The following MINDY4 variants were observed in gnomAD, a reference collection of about 807,000 sequenced individuals.
MINDY4 encodes the protein probable ubiquitin carboxyl-terminal hydrolase MINDY-4.
Under a neutral mutation model 87.0 loss-of-function variants are expected in MINDY4, and 68 were observed. The ratio of observed to expected loss-of-function variants is 0.78; its 90% CI spans 0.64 to 0.96. The LOEUF is 0.96. Ranked by LOEUF, MINDY4 falls within the 40% of genes least tolerant of loss-of-function variation. The pLI, the probability that MINDY4 is intolerant of heterozygous loss-of-function variation, is 0.00. For synonymous variants in MINDY4, 379 were observed against 363.2 expected (o/e 1.04, Z -0.50); for missense variants, 919 against 928.2 (o/e 0.99, Z 0.13).
At chr7:30,773,274 T>C (rs1786700152) in intron 1 of MINDY4, among the ~76,000 whole-genome samples, 1 of 152,200 alleles carries the variant, frequency 6.6e-6, no homozygotes, top group Non-Finnish European at 1.5e-5. Context: ...TGGTTTGTTG[T>C]CTCAGATCCT....
At chr7:30,831,575 G>C (rs1296362193) in intron 6 of MINDY4, among the ~76,000 whole-genome samples, 1 of 152,176 alleles carries the variant, frequency 6.6e-6, no homozygotes, top group Non-Finnish European at 1.5e-5. Flanking sequence ...AGAGAGGGTG[G>C]AGGTTTCAGC....
At chr7:30,845,560 A>G (rs1562551449) in intron 9 of MINDY4, among the ~76,000 whole-genome samples, 1 of 148,364 alleles carries the variant, frequency 6.7e-6, no homozygotes, top group South Asian at 2.2e-4. Flanking sequence ...TGTTTTCTTC[A>G]GGAACACCAC....
At chr7:30,884,849 A>C (rs1227850378) in intron 17 of MINDY4, among the ~76,000 whole-genome samples, 1 of 151,356 alleles carries the variant, frequency 6.6e-6, no homozygotes, top group Non-Finnish European at 1.5e-5. Flanking sequence ...AGCTTAGTCC[A>C]TGCAGAGTGA....
At chr7:30,774,350 A>G (rs931034385) in intron 1 of MINDY4, among the ~76,000 whole-genome samples, 2 of 151,848 alleles carry the variant, frequency 1.3e-5, no homozygotes, top group Non-Finnish European at 2.9e-5. Flanking sequence ...GGTTAGGCCC[A>G]CCCCTCCATG....
intron 15 of MINDY4, among the ~76,000 whole-genome samples, chr7:30,881,490 C>A (rs1790462154): frequency 6.6e-6 from 1 of 152,200 alleles, no homozygotes; most frequent in African/African-American, 2.4e-5. Context: ...CTCCTGGCTC[C>A]CCAGGGCTCC....
chr7:30,771,748 G>A (rs1422814544), intron 1 of MINDY4, among the ~76,000 whole-genome samples, 192 bp downstream of exon 1: 3 of 152,238 alleles, frequency 2.0e-5, no homozygotes, highest in African/African-American at 7.2e-5. Context: ...CGTTTCTGCC[G>A]TCGTCACCGG....
intron 5 of MINDY4, among the ~76,000 whole-genome samples, chr7:30,818,598 G>A (rs980445664): frequency 6.6e-6 from 1 of 152,188 alleles, no homozygotes; most frequent in Non-Finnish European, 1.5e-5. Context: ...GTGTGTCAGT[G>A]AGATTCATAG....
intron 5 of MINDY4, among the ~76,000 whole-genome samples, chr7:30,795,653 G>C (rs765508): frequency 6.6e-6 from 1 of 152,144 alleles, no homozygotes; most frequent in Admixed American, 6.5e-5. Context: ...GACAAACACA[G>C]ATTGATGGTT....
intron 5 of MINDY4, among the ~76,000 whole-genome samples, chr7:30,827,753 G>A (rs1206531201): frequency 6.6e-6 from 1 of 152,160 alleles, no homozygotes; most frequent in Non-Finnish European, 1.5e-5. Flanking sequence ...GCGTCCTCTA[G>A]CTCTTCCATT....
chr7:30,795,314 G>A lies in MINDY4; in HGVS notation c.1073+3740G>A, dbSNP rs149628984. ...GCTTCAGAAACCTGGGTGTAACTGTGGTCATGAATTGAGAAGAGTTTTATC... is the reference window on the plus strand; with the variant it reads ...GCTTCAGAAACCTGGGTGTAACTGTAGTCATGAATTGAGAAGAGTTTTATC... On this transcript the variant is annotated intron_variant, in intron 5 of 17. Coordinates refer to ENST00000265299, the MANE Select transcript of MINDY4 (RefSeq NM_032222.3). Among the ~76,000 whole-genome samples the A allele has an allele frequency of 2.9e-3, 441 of 152,314 alleles. 1 individual carries two copies. Among genetic ancestry groups the A allele is most frequent in the African/African-American group, 0.01 (416 of 41,564 alleles).
intron 13 of MINDY4, among the ~76,000 whole-genome samples, chr7:30,860,666 C>T (rs936040701): frequency 6.6e-6 from 1 of 152,042 alleles, no homozygotes; most frequent in African/African-American, 2.4e-5. Flanking sequence ...GCTCTGTGCT[C>T]GAGTGTGTCA....
intron 5 of MINDY4, among the ~76,000 whole-genome samples, chr7:30,812,968 C>T (rs527469151): frequency 6.6e-6 from 1 of 152,248 alleles, no homozygotes; most frequent in Non-Finnish European, 1.5e-5. Context: ...TTGGTCAGCG[C>T]TCTTCCTGGC....
chr7:30,841,229 A>G (rs575201425), intron 9 of MINDY4, among the ~76,000 whole-genome samples: 1 of 152,150 alleles, frequency 6.6e-6, no homozygotes, highest in Admixed American at 6.5e-5. Flanking sequence ...CTCTGCCAAC[A>G]TTCATAACCA....
Position 30,771,583 on chromosome 7 carries a change from A to T in MINDY4, c.63+27A>T, listed in dbSNP as rs559672362. ...TAACGGCTCGCCCCCTCCAAAGCCCAGGAAGTGGCTCTAATTTGGGGGGAT... is the reference window on the plus strand; with the variant it reads ...TAACGGCTCGCCCCCTCCAAAGCCCTGGAAGTGGCTCTAATTTGGGGGGAT... On this transcript the variant is annotated intron_variant, in intron 1 of 17. Coordinates refer to ENST00000265299, the MANE Select transcript of MINDY4 (RefSeq NM_032222.3). 12 of 1,571,746 alleles carry T rather than the reference A, an allele frequency of 7.6e-6. No homozygotes were observed. In the African/African-American group the frequency reaches 1.6e-4, roughly 21 times the overall value.
At chr7:30,868,508 C>G (rs1790006421) in intron 13 of MINDY4, among the ~76,000 whole-genome samples, 1 of 152,202 alleles carries the variant, frequency 6.6e-6, no homozygotes, top group Admixed American at 6.5e-5. Flanking sequence ...AGCCTCTTCC[C>G]CTTCCGGGAT....
chr7:30,848,582 G>C (rs937452337), intron 9 of MINDY4, among the ~76,000 whole-genome samples: 1 of 152,148 alleles, frequency 6.6e-6, no homozygotes, highest in Non-Finnish European at 1.5e-5. Flanking sequence ...TCCTTGGTGT[G>C]GGCTCTCCTG....
intron 5 of MINDY4, among the ~76,000 whole-genome samples, chr7:30,805,157 C>G (rs972841503): frequency 1.3e-5 from 2 of 152,200 alleles, no homozygotes; most frequent in Admixed American, 1.3e-4. Flanking sequence ...AGCAGGGCCC[C>G]TGCCGGGAAG....
At chr7:30,885,702 G>T (rs1584359007) in intron 17 of MINDY4, among the ~76,000 whole-genome samples, 1 of 138,018 alleles carries the variant, frequency 7.2e-6, no homozygotes, top group African/African-American at 3.1e-5. Flanking sequence ...TAAGGGCAGT[G>T]CCCACCCCCC....
At chr7:30,873,391 T>G (rs948755322) in intron 14 of MINDY4, among the ~76,000 whole-genome samples, 2 of 152,184 alleles carry the variant, frequency 1.3e-5, no homozygotes, top group Admixed American at 6.5e-5. Context: ...TGTTCTCTGT[T>G]TCACTCACAA....
Sources: gnomAD v4.1 joint callset for allele counts (sites outside exome capture counted in the v4.1 genomes callset) on GRCh38, gnomAD v4.1.1 for gene constraint, MANE v1.5 for transcripts, NCBI Gene and HGNC (gene_info 2026-07-23, HGNC 2026-07-21) for gene names.